Variants in CACNA2D1 observed in about 807,000 individuals in gnomAD.
The protein encoded by CACNA2D1 is voltage-dependent calcium channel subunit alpha-2/delta-1.
A neutral mutation model predicts 171.5 loss-of-function variants in CACNA2D1; 53 were observed. The ratio of observed to expected loss-of-function variants is 0.31; its 90% CI spans 0.25 to 0.39. The LOEUF is 0.39. Among genes scored for constraint, CACNA2D1 ranks in the 10% least tolerant of loss-of-function variants. The pLI is 1.00. For missense variants in CACNA2D1, 903 were observed against 1,299.8 expected (o/e 0.69, Z 4.69); for synonymous variants, 442 against 443.1 (o/e 1.00, Z 0.03).
At chr7:82,108,580 G>A (rs1259217946) in intron 6 of CACNA2D1, among the ~76,000 whole-genome samples, 3 of 152,092 alleles carry the variant, frequency 2.0e-5, no homozygotes, top group African/African-American at 7.2e-5. Context: ...TTACTAATTG[G>A]TCTGCTGTTC....
intron 3 of CACNA2D1, among the ~76,000 whole-genome samples, chr7:82,233,973 T>G (rs1222404445): frequency 6.6e-6 from 1 of 152,108 alleles, no homozygotes; most frequent in African/African-American, 2.4e-5. Flanking sequence ...TATAAATAAT[T>G]TAAAGCCTTA....
chr7:82,045,412 G>A (rs955084747), intron 10 of CACNA2D1, among the ~76,000 whole-genome samples: 1 of 151,772 alleles, frequency 6.6e-6, no homozygotes, highest in Non-Finnish European at 1.5e-5. Flanking sequence ...AAAGAGTTTT[G>A]TACTTAGAAA....
chr7:82,410,532 C>T (rs542545643), intron 1 of CACNA2D1: 39 of 985,334 alleles, frequency 4.0e-5, no homozygotes, highest in Middle Eastern at 1.0e-3. Flanking sequence ...TGAAGGTGCA[C>T]GCTACATCAG....
In CACNA2D1 at chr7:82,322,125, C is replaced by CAA. The variant is rs71093373; in HGVS notation, c.294+13008_294+13009dup. Among the ~76,000 whole-genome samples, 215 of 43,644 alleles carry CAA rather than the reference C, an allele frequency of 4.9e-3. 24 individuals are homozygous for CAA. The highest frequency in any genetic ancestry group is 6.2e-3 in the Non-Finnish European group (155 of 24,812). The allele number at this position is 43,644 out of a possible 152,430, so 28.6% of individuals were successfully genotyped here. On this transcript the variant is annotated intron_variant, in intron 3 of 38. Coordinates refer to ENST00000356860, the MANE Select transcript of CACNA2D1 (RefSeq NM_000722.4). ...TGGGTGACAGAGCGAGACTCCGTCT[C>CAA]AAAAAAAAAAAAAAAAAAAAAAAAA... is the stretch of plus-strand genomic sequence containing the variant.
chr7:82,082,849 A>C (rs965473038), intron 7 of CACNA2D1, among the ~76,000 whole-genome samples: 1 of 152,070 alleles, frequency 6.6e-6, no homozygotes, highest in Non-Finnish European at 1.5e-5. Context: ...AAAAAATTAA[A>C]GCCATCATCC....
chr7:82,154,383 T>A lies in CACNA2D1; in HGVS notation c.354+16167A>T, dbSNP rs142743902. ...TGGCACTCAAGTTTCCTTCCATTAG[T>A]AGAAAGGTATGGTATGTACTGTTCT... On this transcript the variant is annotated intron_variant, in intron 4 of 38. Coordinates refer to ENST00000356860, the MANE Select transcript of CACNA2D1 (RefSeq NM_000722.4). 2.8e-4 allele frequency among the ~76,000 whole-genome samples: 43 copies of A among 152,066 alleles called. No individual in the cohort carries two copies. In the East Asian group the frequency reaches 7.2e-3, roughly 25 times the overall value.
At chr7:82,288,284 T>C (rs192120174) in intron 3 of CACNA2D1, among the ~76,000 whole-genome samples, 131 of 152,244 alleles carry the variant, frequency 8.6e-4, no homozygotes, top group African/African-American at 2.7e-3. Flanking sequence ...CCTTTTATCC[T>C]ACCCTTGTCC....
At chr7:82,441,700 T>C (rs1830516003) in intron 1 of CACNA2D1, among the ~76,000 whole-genome samples, 1 of 152,156 alleles carries the variant, frequency 6.6e-6, no homozygotes, top group Non-Finnish European at 1.5e-5. Flanking sequence ...TCCCCTCCCA[T>C]GATAAAAATA....
At chr7:82,098,471 T>C (rs1404172346) in intron 6 of CACNA2D1, among the ~76,000 whole-genome samples, 1 of 152,218 alleles carries the variant, frequency 6.6e-6, no homozygotes, top group Non-Finnish European at 1.5e-5. Context: ...GTAAATCATG[T>C]ACCCAGGGAT....
chr7:82,144,365 C>G (rs2129093684), intron 4 of CACNA2D1, among the ~76,000 whole-genome samples: 1 of 152,072 alleles, frequency 6.6e-6, no homozygotes, highest in African/African-American at 2.4e-5. Flanking sequence ...CTAGAAATAA[C>G]TCCTAAATCT....
At chr7:82,117,862 T>C (rs1327808134) in intron 5 of CACNA2D1, among the ~76,000 whole-genome samples, 2 of 152,132 alleles carry the variant, frequency 1.3e-5, no homozygotes, top group Admixed American at 6.6e-5. Context: ...CTAACTAATA[T>C]TATCCACTTG....
At chr7:82,283,641 T>C (rs143625246) in intron 3 of CACNA2D1, among the ~76,000 whole-genome samples, 95 of 151,946 alleles carry the variant, frequency 6.3e-4, no homozygotes, top group African/African-American at 2.0e-3. Context: ...AAGATTCTTA[T>C]ATACTAACAA....
chr7:82,060,537 G>C lies in CACNA2D1; in HGVS notation c.780-10C>G. ...ACTAACACTTCCACTCCTAGAAATA[G>C]ACAAATGGGTCCATACATGTTACTC... is the stretch of plus-strand genomic sequence containing the variant. On this transcript the variant is annotated splice_polypyrimidine_tract_variant and intron_variant, in intron 9 of 38. Transcript: ENST00000356860. 6.6e-7 allele frequency: 1 copy of C among 1,509,702 alleles called. No homozygotes were observed. The highest frequency in any genetic ancestry group is 9.2e-7 in the Non-Finnish European group (1 of 1,087,522). The allele number at this position is 1,509,702 out of a possible 1,614,324, so 93.5% of individuals were successfully genotyped here.
intron 2 of CACNA2D1, among the ~76,000 whole-genome samples, chr7:82,336,394 T>C (rs1458400606): frequency 2.0e-5 from 3 of 152,226 alleles, no homozygotes; most frequent in Non-Finnish European, 4.4e-5. Flanking sequence ...TAAAAATTAA[T>C]TTGAAATTAA....
At chr7:82,155,766 T>C (rs1794320496) in intron 4 of CACNA2D1, among the ~76,000 whole-genome samples, 2 of 152,128 alleles carry the variant, frequency 1.3e-5, no homozygotes. Context: ...AGTGAAAAGG[T>C]GCAGAATATA....
At chr7:82,204,420 G>A (rs903844296) in intron 3 of CACNA2D1, among the ~76,000 whole-genome samples, 15 of 152,202 alleles carry the variant, frequency 9.9e-5, no homozygotes, top group African/African-American at 3.4e-4. Context: ...AACCAGGTAT[G>A]CGGATGAACG....
At chr7:82,263,525 C>T (rs1002747115) in intron 3 of CACNA2D1, among the ~76,000 whole-genome samples, 2 of 152,072 alleles carry the variant, frequency 1.3e-5, no homozygotes, top group Non-Finnish European at 2.9e-5. Flanking sequence ...ACCTCTGCCC[C>T]TATAACCCTA....
chr7:82,264,590 C>T (rs1219081344), intron 3 of CACNA2D1, among the ~76,000 whole-genome samples: 1 of 152,086 alleles, frequency 6.6e-6, no homozygotes, highest in African/African-American at 2.4e-5. Context: ...ATAAATAATT[C>T]AAATTTTAAT....
At chr7:82,137,450 T>A (rs1791756441) in intron 4 of CACNA2D1, among the ~76,000 whole-genome samples, 1 of 152,162 alleles carries the variant, frequency 6.6e-6, no homozygotes, top group Non-Finnish European at 1.5e-5. Context: ...CCACTTAGAC[T>A]GATTTCTCTA....
Sources: gnomAD v4.1 joint callset for allele counts (sites outside exome capture counted in the v4.1 genomes callset) on GRCh38, gnomAD v4.1.1 for gene constraint, MANE v1.5 for transcripts, NCBI Gene and HGNC (gene_info 2026-07-23, HGNC 2026-07-21) for gene names.